Variants in PAPPA observed in about 807,000 individuals in gnomAD.
The protein encoded by PAPPA is pappalysin-1.
PAPPA carries 60 observed loss-of-function variants against 164.0 expected under a neutral mutation model. That is an observed-to-expected ratio of 0.37 (90% CI 0.30 to 0.45). PAPPA has a LOEUF of 0.45. PAPPA is among the 20% of genes least tolerant of loss of function. The pLI is 1.00. For missense variants in PAPPA, 1,782 were observed against 2,087.3 expected (o/e 0.85, Z 2.85); for synonymous variants, 875 against 814.1 (o/e 1.07, Z -1.27).
At chr9:116,354,905 C>T (rs938460014) in intron 17 of PAPPA, among the ~76,000 whole-genome samples, 1 of 152,056 alleles carries the variant, frequency 6.6e-6, no homozygotes, top group African/African-American at 2.4e-5. Context: ...AGACCCTTCC[C>T]CCATGCCAAT....
Position 116,187,624 on chromosome 9 carries a change from G to A in PAPPA, c.886G>A (p.Ala296Thr), listed in dbSNP as rs1843989605. Reference protein sequence around the residue: ...LQENWDNVKHAWSPMKDGSSP... With the variant: ...LQENWDNVKHTWSPMKDGSSP... The stretch of plus-strand genomic sequence containing the variant: ...GGAGAACTGGGACAATGTGAAGCAT[G>A]CCTGGTCCCCCATGAAGGATGGCAG... The change falls in exon 2 of 22, where the codon GCC (alanine) becomes ACC (threonine). Residue 296 changes from alanine (A) to threonine (T), a missense_variant. Physicochemically the swap from Ala to Thr is moderately conservative, Grantham distance 58. Around this residue, in one of 2 missense-constraint regions of PAPPA, gnomAD observed 458 missense variants for 430.3 expected, o/e 1.06. Transcript: ENST00000328252. The surrounding 1 kb of genome is among the most constrained non-coding windows in gnomAD (Gnocchi z 4.2). 1 of 1,614,106 alleles carries A rather than the reference G, an allele frequency of 6.2e-7. No homozygotes were observed. Among genetic ancestry groups the A allele is most frequent in the African/African-American group, 1.3e-5 (1 of 74,938 alleles).
rs774787248 is a variant in PAPPA, at chr9:116,332,482, C to T, written c.3397+14C>T. The stretch of plus-strand genomic sequence containing the variant: ...GCCACGATCTAGGTAAGCATGCTCT[C>T]TTGGTCTTGGCTTGCTTTCAGTACC... On this transcript the variant is annotated intron_variant, in intron 12 of 21. Transcript: ENST00000328252. 4 of 1,603,090 alleles carry T rather than the reference C, an allele frequency of 2.5e-6. No homozygotes were observed. The Admixed American group carries it at 5.0e-5, about 20-fold the overall frequency.
rs57871796 is a variant in PAPPA at position 116,314,060 on chromosome 9, C to CTTTTTTTTTTTTTTTTT, written c.3147+11124_3147+11140dup. ...ATTCAGTTCTGTCATTGCATCGAAT[C>CTTTTTTTTTTTTTTTTT]TTTTTTTTTTTTTTTTTTTTTTTTT... On this transcript the variant is annotated intron_variant, in intron 10 of 21. Transcript: ENST00000328252. Among the ~76,000 whole-genome samples, 14 of 69,728 alleles carry CTTTTTTTTTTTTTTTTT rather than the reference C, an allele frequency of 2.0e-4. 1 individual carries two copies. The highest frequency in any genetic ancestry group is 1.4e-3 in the East Asian group (3 of 2,164). 45.7% of individuals were successfully genotyped at this position (69,728 alleles called of 152,430 possible). A position where few individuals can be genotyped will look rare whatever the true frequency, so the allele number is the denominator to read the frequency against.
chr9:116,154,129 GTGGCGGT>G lies in PAPPA; in HGVS notation c.-43_-37del. ...AGGCTCCCAAAGCTGGCAGCTCCGG[GTGGCGGT>G]GCAGGGGCGAAGGGGGGGCGGGGGG... On this transcript the variant is annotated 5_prime_UTR_variant, in exon 1 of 22. Transcript: ENST00000328252. The surrounding 1 kb of genome is among the most constrained non-coding windows in gnomAD (Gnocchi z 5.2). The G allele has an allele frequency of 7.2e-7, 1 of 1,391,830 alleles. No homozygotes were observed. The highest frequency in any genetic ancestry group is 9.4e-7 in the Non-Finnish European group (1 of 1,063,458). The allele number at this position is 1,391,830 out of a possible 1,614,324, so 86.2% of individuals were successfully genotyped here.
intron 2 of PAPPA, among the ~76,000 whole-genome samples, chr9:116,199,241 G>A (rs187339126): frequency 1.1e-4 from 17 of 152,240 alleles, no homozygotes; most frequent in South Asian, 4.2e-4. Flanking sequence ...TTTTCCTATG[G>A]GTTAGCCTTC....
chr9:116,376,168 A>G (rs1846648835), intron 19 of PAPPA, among the ~76,000 whole-genome samples: 1 of 151,916 alleles, frequency 6.6e-6, no homozygotes, highest in Non-Finnish European at 1.5e-5. Flanking sequence ...CTACAGGCAT[A>G]TGCCACCACA....
intron 19 of PAPPA, among the ~76,000 whole-genome samples, chr9:116,375,200 AC>A (rs1321069140): frequency 7.9e-5 from 12 of 152,254 alleles, no homozygotes; most frequent in Admixed American, 7.8e-4. Context: ...AATTGCAACC[AC>A]ATCTGTCCCA....
intron 2 of PAPPA, among the ~76,000 whole-genome samples, chr9:116,204,161 T>C (rs1844204286): frequency 6.6e-6 from 1 of 152,190 alleles, no homozygotes; most frequent in Non-Finnish European, 1.5e-5. Context: ...CATGAGCTAA[T>C]TGATACTCAG....
chr9:116,318,722 G>C (rs1451321321), intron 10 of PAPPA: 1 of 152,164 alleles, frequency 6.6e-6, no homozygotes, highest in Admixed American at 6.5e-5. Flanking sequence ...GATGTTAGCA[G>C]TTTCTGCTCA....
At chr9:116,286,674 AC>A (rs1040511024) in intron 9 of PAPPA, 31 of 152,318 alleles carry the variant, frequency 2.0e-4, no homozygotes, top group African/African-American at 7.5e-4. Flanking sequence ...AAAACGTTTA[AC>A]CAAAACATAA....
intron 7 of PAPPA, among the ~76,000 whole-genome samples, chr9:116,253,278 T>C (rs1299140105): frequency 1.3e-5 from 2 of 152,206 alleles, no homozygotes; most frequent in Admixed American, 1.3e-4. Context: ...TCTACTTGGT[T>C]TATCCTCTCT....
At chr9:116,207,425 G>A (rs1844249877) in intron 2 of PAPPA, 31 bp from the exon 3 acceptor site, 4 of 1,391,368 alleles carry the variant, frequency 2.9e-6, no homozygotes, top group Admixed American at 2.2e-5. Context: ...TTGGGGGCAT[G>A]ATAACAGCCA....
At chr9:116,391,401 C>G (rs1234546095) in intron 21 of PAPPA, among the ~76,000 whole-genome samples, 1 of 152,170 alleles carries the variant, frequency 6.6e-6, no homozygotes, top group Admixed American at 6.5e-5. Flanking sequence ...CAGCAGGAGA[C>G]ACAGTCAAAG....
intron 1 of PAPPA, among the ~76,000 whole-genome samples, chr9:116,162,097 A>G (rs1843670900): frequency 1.3e-5 from 2 of 152,172 alleles, no homozygotes; most frequent in Admixed American, 6.5e-5. Flanking sequence ...ATGATTATCC[A>G]GGGAGAACTC....
chr9:116,231,069 T>C (rs999348523), intron 6 of PAPPA, among the ~76,000 whole-genome samples: 48 of 123,980 alleles, frequency 3.9e-4, no homozygotes, highest in Admixed American at 1.2e-3. Flanking sequence ...TGTCAACAGC[T>C]GCAGTGTATA....
At chr9:116,354,534 AGTCTTTATTG>A (rs1482913388) in intron 17 of PAPPA, among the ~76,000 whole-genome samples, 1 of 152,150 alleles carries the variant, frequency 6.6e-6, no homozygotes, top group Non-Finnish European at 1.5e-5. Flanking sequence ...GTCTTCAATC[AGTCTTTATTG>A]GTCTTTATTG....
intron 9 of PAPPA, among the ~76,000 whole-genome samples, chr9:116,288,121 A>G (rs1845363821): frequency 6.6e-6 from 1 of 152,200 alleles, no homozygotes; most frequent in Non-Finnish European, 1.5e-5. Flanking sequence ...CTATAATCCC[A>G]GCACTCTGGG....
intron 2 of PAPPA, among the ~76,000 whole-genome samples, chr9:116,196,911 C>T (rs748731378): frequency 2.6e-5 from 4 of 152,184 alleles, no homozygotes; most frequent in African/African-American, 7.2e-5. Context: ...AACTTGACTT[C>T]TAACTACTGA....
chr9:116,189,156 A>G (rs1014731532), intron 2 of PAPPA, among the ~76,000 whole-genome samples: 10 of 152,220 alleles, frequency 6.6e-5, no homozygotes, highest in Non-Finnish European at 1.0e-4. Context: ...ATGAACAACA[A>G]GATCAATACA....
Sources: gnomAD v4.1 joint callset for allele counts (sites outside exome capture counted in the v4.1 genomes callset) on GRCh38, gnomAD v4.1.1 for gene constraint, gnomAD v4.1.1 regional missense constraint, Gnocchi (gnomAD v3.1) non-coding constraint, MANE v1.5 for transcripts, NCBI Gene and HGNC (gene_info 2026-07-23, HGNC 2026-07-21) for gene names.